SMC3: variants seen among roughly 807,000 people sequenced by gnomAD.
SMC3 encodes structural maintenance of chromosomes 3, also known as structural maintenance of chromosomes protein 3.
In SMC3, 20 loss-of-function variants were observed where a neutral mutation model predicts 171.8. The ratio of observed to expected loss-of-function variants is 0.12; its 90% CI spans 0.08 to 0.17. The LOEUF (loss-of-function observed/expected upper bound fraction) is 0.17. Ranked by LOEUF, SMC3 falls within the 10% of genes least tolerant of loss-of-function variation. The pLI, the probability that SMC3 is intolerant of heterozygous loss-of-function variation, is 1.00. For missense variants in SMC3, 543 were observed against 1,420.4 expected (o/e 0.38, Z 9.93); for synonymous variants, 464 against 451.1 (o/e 1.03, Z -0.36).
At chr10:110,574,426 G>A (rs956142044) in intron 3 of SMC3, among the ~76,000 whole-genome samples, 1 of 152,194 alleles carries the variant, frequency 6.6e-6, no homozygotes, top group African/African-American at 2.4e-5. Flanking sequence ...TTTTAGTTGG[G>A]TAATGCTTGA....
Position 110,589,692 on chromosome 10 carries a change from C to T in SMC3, c.1393C>T (p.Leu465=), listed in dbSNP as rs754634387. 1.0e-5 allele frequency: 16 copies of T among 1,598,538 alleles called. No homozygotes were observed. The African/African-American group carries it at 2.0e-4, about 20-fold the overall frequency. Reference sequence around the variant, plus strand: ...CGAAGTAAAAAATAAGAAAGATGAACTACAAAGTGAAAGAAAGTTAGTATA... The same window carrying T: ...CGAAGTAAAAAATAAGAAAGATGAATTACAAAGTGAAAGAAAGTTAGTATA... ...YYEVKNKKDE[L]QSERNYLWRE... Residue 465 remains leucine, a synonymous_variant, in exon 14 of 29, where the codon CTA becomes TTA. Coordinates refer to ENST00000361804, the MANE Select transcript of SMC3 (RefSeq NM_005445.4).
intron 28 of SMC3, 31 bp downstream of exon 28, chr10:110,603,321 G>T (rs1421234865): frequency 7.7e-7 from 1 of 1,291,792 alleles, no homozygotes; most frequent in South Asian, 1.2e-5. Flanking sequence ...GTTTAAGTTT[G>T]TATTTATTCA....
Position 110,593,186 on chromosome 10 carries a change from G to C in SMC3, c.1926G>C (p.Leu642=), listed in dbSNP as rs757932383. 6.2e-7 allele frequency: 1 copy of C among 1,614,136 alleles called. No individual in the cohort carries two copies. Among genetic ancestry groups the C allele is most frequent in the Non-Finnish European group, 8.5e-7 (1 of 1,179,988 alleles). The part of the protein sequence containing the change: ...ICRSMEVSTQ[L]ARAFTMDCIT... ...GTAGCATGGAAGTTTCAACCCAGCT[G>C]GCCCGTGCTTTCACTATGGACTGTA... The change falls in exon 18 of 29, where the codon CTG becomes CTC. Residue 642 remains leucine (L), a synonymous_variant. Transcript: ENST00000361804.
intron 18 of SMC3, among the ~76,000 whole-genome samples, chr10:110,593,843 C>G (rs1397566503): frequency 1.3e-5 from 2 of 151,808 alleles, no homozygotes; most frequent in East Asian, 3.9e-4. Context: ...AAAAAATTAG[C>G]TGGGTGTGGT....
intron 26 of SMC3, 53 bp downstream of exon 26, chr10:110,602,718 A>T (rs1490519221): frequency 4.1e-5 from 65 of 1,582,572 alleles, no homozygotes; most frequent in Non-Finnish European, 5.6e-5. Context: ...AATAGAATTT[A>T]TAGTATCTTT....
At chr10:110,588,801 G>A (rs1861163002) in intron 13 of SMC3, among the ~76,000 whole-genome samples, 1 of 152,114 alleles carries the variant, frequency 6.6e-6, no homozygotes, top group South Asian at 2.1e-4. Flanking sequence ...TAGGTTCTTA[G>A]AGATTTGTTA....
chr10:110,569,316 C>G (rs1380655755), intron 2 of SMC3, among the ~76,000 whole-genome samples: 1 of 152,066 alleles, frequency 6.6e-6, no homozygotes, highest in African/African-American at 2.4e-5. Context: ...AGTGAAAATG[C>G]TGACTGTTGC....
At position 110,590,006 on chromosome 10, in the gene SMC3, T is replaced by C; in HGVS notation, c.1509+15T>C. 2 of 1,601,874 alleles carry C rather than the reference T, an allele frequency of 1.2e-6. No individual in the cohort carries two copies. Among genetic ancestry groups the C allele is most frequent in the Non-Finnish European group, 1.7e-6 (2 of 1,169,136 alleles). ...CAACAGGAAAGGTGGGCAGGTTCTT[T>C]TCATCACCTCTGTTTACACTGAGTC... On this transcript the variant is annotated intron_variant, in intron 15 of 28. Transcript: ENST00000361804.
At position 110,603,165 on chromosome 10, in the gene SMC3, C is replaced by A; in HGVS notation, c.3476-19C>A. On this transcript the variant is annotated intron_variant, in intron 27 of 28. Transcript: ENST00000361804. ...TCTGCTGAAAAGAAATTTGTTAAAG[C>A]ACAATTTTCTTTTTACAGATATGAT... The A allele has an allele frequency of 6.4e-7, 1 of 1,571,606 alleles. No homozygotes were observed. Among genetic ancestry groups the A allele is most frequent in the Non-Finnish European group, 8.8e-7 (1 of 1,142,590 alleles).
In SMC3 at chr10:110,577,750, T is replaced by C. The variant is rs139965823; in HGVS notation, c.271-85T>C. The C allele has an allele frequency of 1.1e-3, 946 of 881,190 alleles. 5 individuals carry two copies. In the African/African-American group the frequency reaches 0.014, roughly 13 times the overall value. The allele number at this position is 881,190 out of a possible 1,614,324, so 54.6% of individuals were successfully genotyped here. Reference sequence around the variant, plus strand: ...ATTGAAATTTTAAAATAAATACTTATGGGCAAGGACTTTAAAATGACCTTA... The same window carrying C: ...ATTGAAATTTTAAAATAAATACTTACGGGCAAGGACTTTAAAATGACCTTA... On this transcript the variant is annotated intron_variant, in intron 5 of 28. Coordinates refer to ENST00000361804, the MANE Select transcript of SMC3 (RefSeq NM_005445.4).
Position 110,604,244 on chromosome 10 carries a change from A to C in SMC3, c.3596A>C (p.Asp1199Ala). The C allele has an allele frequency of 6.2e-7, 1 of 1,610,282 alleles. No homozygotes were observed. The highest frequency in any genetic ancestry group is 8.5e-7 in the Non-Finnish European group (1 of 1,178,270). ...VKFRNKVSHI[D>A]VITAEMAKDF... Reference sequence around the variant, plus strand: ...TTTATTCTTCAGGTTAGTCATATTGATGTGATCACAGCAGAGATGGCCAAA... The same window carrying C: ...TTTATTCTTCAGGTTAGTCATATTGCTGTGATCACAGCAGAGATGGCCAAA... The change falls in exon 29 of 29, where the codon GAT becomes GCT. Residue 1199 changes from aspartate (D) to alanine (A), a missense_variant. This residue lies in a region of SMC3 where 31 missense variants were observed against 150.9 expected (regional missense o/e 0.21). Coordinates refer to ENST00000361804, the MANE Select transcript of SMC3 (RefSeq NM_005445.4).
chr10:110,573,566 T>G (rs867612831), intron 2 of SMC3, 141 bp from the exon 3 acceptor site: 2 of 434,902 alleles, frequency 4.6e-6, no homozygotes, highest in Non-Finnish European at 3.9e-6. Flanking sequence ...TATTGGTTTC[T>G]TTTGTTCACT....
chr10:110,600,569 T>C (rs745385691), intron 22 of SMC3, 23 bp downstream of exon 22: 7 of 1,253,910 alleles, frequency 5.6e-6, no homozygotes, highest in Non-Finnish European at 5.9e-6. Flanking sequence ...TTTTTTTTTT[T>C]TTTTTAAGGG....
Position 110,577,589 on chromosome 10 carries a change from T to A in SMC3, c.270+97T>A, listed in dbSNP as rs554699066. ...CTTTTTAAGCTTTTATAATTTGTTATAATTACAGTTTATATACTGATTTTA... is the reference window on the plus strand; with the variant it reads ...CTTTTTAAGCTTTTATAATTTGTTAAAATTACAGTTTATATACTGATTTTA... On this transcript the variant is annotated intron_variant, in intron 5 of 28. Transcript: ENST00000361804. The A allele has an allele frequency of 8.2e-4, 715 of 871,812 alleles. 4 individuals carry two copies. The African/African-American group carries it at 0.011, about 13-fold the overall frequency. The allele number at this position is 871,812 out of a possible 1,614,324, so 54.0% of individuals were successfully genotyped here.
intron 2 of SMC3, among the ~76,000 whole-genome samples, chr10:110,571,799 TAAAAATGGGTTCATTTTTAAATA>T (rs1339866035): frequency 3.9e-4 from 20 of 51,240 alleles, no homozygotes; most frequent in African/African-American, 9.6e-4. Context: ...CATTTTTAAA[TAAAAATGGGTTCATTTTTAAATA>T]AAAAATGGGT....
intron 18 of SMC3, among the ~76,000 whole-genome samples, chr10:110,594,862 A>G (rs1259690757): frequency 6.6e-6 from 1 of 152,182 alleles, no homozygotes; most frequent in South Asian, 2.1e-4. Context: ...CCACAGTATC[A>G]TTGTTACACC....
intron 20 of SMC3, 113 bp from the exon 21 acceptor site, chr10:110,599,539 ATT>A: frequency 1.1e-6 from 1 of 878,496 alleles, no homozygotes; most frequent in East Asian, 2.6e-5. Flanking sequence ...GGCACCTAAT[ATT>A]TGAGTTGATA....
At position 110,596,561 on chromosome 10, in the gene SMC3, GT is replaced by G. The variant is rs1324029436; in HGVS notation, c.2116+15del. ...GCAGAAATATTGAAAATATCTTTTT[GT>G]TTTGTGCATAGTGATAGATATTGTG... is the stretch of plus-strand genomic sequence containing the variant. On this transcript the variant is annotated intron_variant, in intron 19 of 28. Transcript: ENST00000361804. 4 of 1,613,172 alleles carry G rather than the reference GT, an allele frequency of 2.5e-6. No homozygotes were observed. The highest frequency in any genetic ancestry group is 1.7e-5 in the Admixed American group (1 of 59,976).
rs1040611418 is a variant in SMC3 at position 110,589,757 on chromosome 10, C to T, written c.1409+49C>T. 5 of 1,419,912 alleles carry T rather than the reference C, an allele frequency of 3.5e-6. 1 individual carries two copies. In the Admixed American group the frequency reaches 8.5e-5, roughly 24 times the overall value. The allele number at this position is 1,419,912 out of a possible 1,614,324, so 88.0% of individuals were successfully genotyped here. A position where few individuals can be genotyped will look rare whatever the true frequency, so the allele number is the denominator to read the frequency against. On this transcript the variant is annotated intron_variant, in intron 14 of 28. Transcript: ENST00000361804. ...TTAATGTTTTCAGTAATGTTCGTTA[C>T]TAGCTGTTATGTGGTCTTTAAGTTA...
Sources: allele counts gnomAD v4.1 joint callset (sites outside exome capture counted in the v4.1 genomes callset), GRCh38; gene constraint gnomAD v4.1.1; regional missense constraint gnomAD v4.1.1; transcripts MANE v1.5; gene names NCBI Gene and HGNC (gene_info 2026-07-23, HGNC 2026-07-21).